The following ARVCF variants were observed in gnomAD, a reference collection of about 807,000 sequenced individuals.
ARVCF encodes the protein ARVCF delta catenin family member.
ARVCF carries 66 observed loss-of-function variants against 90.9 expected under a neutral mutation model. That is an observed-to-expected ratio of 0.73 (90% confidence interval 0.60 to 0.89). ARVCF has a LOEUF of 0.89. Among genes scored for constraint, ARVCF ranks in the 40% least tolerant of loss-of-function variants. ARVCF has a pLI of 0.00. For missense variants in ARVCF, 1,469 were observed against 1,382.3 expected, an observed-to-expected ratio of 1.06 and a Z score of -1.00; for synonymous variants, 653 against 603.4, an observed-to-expected ratio of 1.08 and a Z score of -1.21.
At chr22:19,985,591 A>G (rs1250717746) in intron 3 of ARVCF, among the ~76,000 whole-genome samples, 1 of 152,262 alleles carries the variant, frequency 6.6e-6, no homozygotes. Context: ...CTTTTGTGGC[A>G]AAATGCAAGG....
rs1260751530 is a variant in ARVCF at position 19,971,116 on chromosome 22, C to T, written c.*12+100G>A. 5.2e-6 allele frequency: 8 copies of T among 1,536,876 alleles called. No individual in the cohort carries two copies. The East Asian group carries it at 9.8e-5, about 19-fold the overall frequency. On this transcript the variant is annotated intron_variant, in intron 19 of 19. Coordinates refer to ENST00000263207, the MANE Select transcript of ARVCF (RefSeq NM_001670.3). Reference sequence around the variant, plus strand: ...CTGGAGGCCAAAGTCCTGCGGGGAACGTGCGGGAAGAGCAGAGCGTGCAGG... The same window carrying T: ...CTGGAGGCCAAAGTCCTGCGGGGAATGTGCGGGAAGAGCAGAGCGTGCAGG...
chr22:19,984,758 G>A (rs770497946), intron 3 of ARVCF, among the ~76,000 whole-genome samples: 2 of 152,180 alleles, frequency 1.3e-5, no homozygotes, highest in South Asian at 2.1e-4. Context: ...ACCGTGTATC[G>A]GAGACCCTTA....
intron 1 of ARVCF, among the ~76,000 whole-genome samples, chr22:20,012,581 G>A (rs1038917943): frequency 5.9e-5 from 9 of 152,382 alleles, no homozygotes; most frequent in African/African-American, 1.2e-4. Flanking sequence ...GCCTCAAAGC[G>A]GGGGAATGAC....
At chr22:20,003,303 C>T (rs76952231) in intron 2 of ARVCF, among the ~76,000 whole-genome samples, 3 of 152,176 alleles carry the variant, frequency 2.0e-5, no homozygotes, top group Non-Finnish European at 4.4e-5. Context: ...TAACACCAAT[C>T]GTCCTCAAAC....
intron 2 of ARVCF, among the ~76,000 whole-genome samples, chr22:20,006,769 C>G (rs1187681848): frequency 6.6e-6 from 1 of 151,038 alleles, no homozygotes; most frequent in African/African-American, 2.4e-5. Context: ...GTAGCTGGGA[C>G]TACAGGCGCG....
chr22:19,976,679 T>C (rs1194509361), intron 10 of ARVCF, 27 bp downstream of exon 10: 1 of 1,554,572 alleles, frequency 6.4e-7, no homozygotes, highest in Non-Finnish European at 8.7e-7. Flanking sequence ...ACGCCAGGCC[T>C]GGAGAGCAGG....
intron 10 of ARVCF, 38 bp from the exon 11 acceptor site, chr22:19,975,795 A>C (rs1569153343): frequency 1.2e-6 from 2 of 1,602,788 alleles, no homozygotes; most frequent in East Asian, 4.5e-5. Context: ...GGCAGACCCC[A>C]TATGGGGAAT....
downstream of ARVCF, chr22:19,965,159 T>A (rs1942322131): frequency 1.3e-5 from 2 of 155,004 alleles, no homozygotes; most frequent in Admixed American, 1.3e-4. Context: ...CAGAGAATGT[T>A]CCAGGAACAA....
chr22:20,005,328 G>A (rs1944581528), intron 2 of ARVCF, among the ~76,000 whole-genome samples: 3 of 151,180 alleles, frequency 2.0e-5, no homozygotes, highest in Admixed American at 2.0e-4. Context: ...AGCAAATCAA[G>A]GCTGCAATGA....
At chr22:19,975,600 T>G in intron 11 of ARVCF, 86 bp downstream of exon 11, 1 of 1,519,720 alleles carries the variant, frequency 6.6e-7, no homozygotes, top group Admixed American at 1.7e-5. Context: ...CCTCCAGGCC[T>G]GCTTGATGGC....
rs776043051 is a variant in ARVCF at position 19,981,524 on chromosome 22, G to A, written c.583C>T (p.Pro195Ser). The change falls in exon 5 of 20, where the codon CCC becomes TCC. Residue 195 changes from proline (P) to serine (S), a missense_variant. Coordinates refer to ENST00000263207, the MANE Select transcript of ARVCF (RefSeq NM_001670.3). ...CTGCCATAGCTGGGGCTGTCCCGGG[G>A]CTCGGGGCCTTCGGGAAAGCCACCC... ...SGGGFPEGPEPRDSPSYGSLS... is the reference protein window; with the variant it reads ...SGGGFPEGPESRDSPSYGSLS... The A allele has an allele frequency of 1.9e-6, 3 of 1,577,476 alleles. No homozygotes were observed. Among genetic ancestry groups the A allele is most frequent in the Middle Eastern group, 1.7e-4 (1 of 5,924 alleles).
chr22:19,974,896 A>G (rs1452828024), intron 11 of ARVCF, among the ~76,000 whole-genome samples: 1 of 152,128 alleles, frequency 6.6e-6, no homozygotes, highest in Non-Finnish European at 1.5e-5. Flanking sequence ...TGCTCCAGAA[A>G]TGAGGGGTCA....
chr22:20,002,205 G>A (rs142226124), intron 2 of ARVCF, among the ~76,000 whole-genome samples: 19 of 152,326 alleles, frequency 1.2e-4, no homozygotes, highest in African/African-American at 3.6e-4. Context: ...GTCTACCTCT[G>A]GCTTTTACAA....
chr22:20,003,426 A>G (rs1233717160), intron 2 of ARVCF, among the ~76,000 whole-genome samples: 1 of 152,224 alleles, frequency 6.6e-6, no homozygotes, highest in Non-Finnish European at 1.5e-5. Flanking sequence ...CCACAGGCCA[A>G]TAACCCTTAT....
rs754572947 is a variant in ARVCF at position 19,980,219 on chromosome 22, T to A, written c.920A>T (p.Asp307Val). The A allele has an allele frequency of 1.3e-6, 2 of 1,539,734 alleles. No homozygotes were observed. The highest frequency in any genetic ancestry group is 1.7e-6 in the Non-Finnish European group (2 of 1,143,966). The part of the protein sequence containing the change: ...HTRAYEDTAD[D>V]GGELADERPA... ...CCGCTCGTCCGCCAGCTCGCCGCCA[T>A]CATCTGCTGTGTCCTCGTAGGCCCT... Residue 307 changes from aspartate (D) to valine (V), a missense_variant, in exon 6 of 20, where the codon GAT becomes GTT. Coordinates refer to ENST00000263207, the MANE Select transcript of ARVCF (RefSeq NM_001670.3).
intron 3 of ARVCF, among the ~76,000 whole-genome samples, chr22:19,984,849 T>C (rs1943682430): frequency 6.6e-6 from 1 of 152,212 alleles, no homozygotes; most frequent in Non-Finnish European, 1.5e-5. Flanking sequence ...GCATCCACTC[T>C]GGGAGTCTCA....
intron 2 of ARVCF, among the ~76,000 whole-genome samples, chr22:20,010,060 G>A (rs764629308): frequency 3.9e-5 from 6 of 152,328 alleles, no homozygotes; most frequent in Middle Eastern, 3.4e-3. Context: ...GGGGGCAAGC[G>A]AATGGCCTGG....
chr22:19,999,159 T>C (rs1363689874), intron 2 of ARVCF, among the ~76,000 whole-genome samples: 6 of 152,148 alleles, frequency 3.9e-5, no homozygotes, highest in Non-Finnish European at 1.5e-5. Context: ...GAGCCCCTCC[T>C]GTACTGGCCT....
At chr22:19,993,011 T>C (rs1308692881) in intron 2 of ARVCF, among the ~76,000 whole-genome samples, 5 of 152,178 alleles carry the variant, frequency 3.3e-5, no homozygotes, top group East Asian at 3.9e-4. Context: ...AAAACAATCA[T>C]GTATCTCCCT....
Sources: gnomAD v4.1 joint callset for allele counts (sites outside exome capture counted in the v4.1 genomes callset) on GRCh38, gnomAD v4.1.1 for gene constraint, MANE v1.5 for transcripts, NCBI Gene and HGNC (gene_info 2026-07-23, HGNC 2026-07-21) for gene names.